Variants in TRIO observed in about 807,000 individuals in gnomAD.
TRIO encodes the protein trio Rho guanine nucleotide exchange factor, also known as triple functional domain protein.
TRIO carries 58 observed loss-of-function variants against 351.9 expected under a neutral mutation model. That is an observed-to-expected ratio of 0.16 (90% CI 0.13 to 0.21). TRIO has a LOEUF of 0.21. Among genes scored for constraint, TRIO ranks in the 10% least tolerant of loss-of-function variants. TRIO has a pLI of 1.00. For synonymous variants in TRIO, 1,758 were observed against 1,595.7 expected (o/e 1.10, Z -2.42); for missense variants, 3,201 against 4,027.8 (o/e 0.79, Z 5.56).
At chr5:14,393,168 CT>C (rs1747257170) in intron 27 of TRIO, among the ~76,000 whole-genome samples, 1 of 150,820 alleles carries the variant, frequency 6.6e-6, no homozygotes, top group African/African-American at 2.4e-5. Context: ...ACCACATGTT[CT>C]TACTCATAAG....
chr5:14,488,388 C>CTGGGG (rs751337338), intron 48 of TRIO, 128 bp downstream of exon 48: 26 of 1,391,968 alleles, frequency 1.9e-5, no homozygotes, highest in Non-Finnish European at 2.4e-5. Flanking sequence ...CGGCCTCTAC[C>CTGGGG]TGGGACCAGG....
At chr5:14,239,501 G>A (rs919195010) in intron 1 of TRIO, among the ~76,000 whole-genome samples, 2 of 152,140 alleles carry the variant, frequency 1.3e-5, no homozygotes, top group Admixed American at 6.5e-5. Context: ...TGTCGTGCAC[G>A]TAATGACTTG....
intron 7 of TRIO, among the ~76,000 whole-genome samples, chr5:14,300,801 C>CT (rs1737808908): frequency 6.6e-6 from 1 of 152,174 alleles, no homozygotes; most frequent in African/African-American, 2.4e-5. Flanking sequence ...GACATAATAA[C>CT]AAACTGTTTC....
chr5:14,269,781 A>C (rs1334956673), intron 1 of TRIO, among the ~76,000 whole-genome samples: 1 of 152,200 alleles, frequency 6.6e-6, no homozygotes, highest in Non-Finnish European at 1.5e-5. Context: ...TCTAATTCCA[A>C]GTCTACATCT....
intron 53 of TRIO, among the ~76,000 whole-genome samples, chr5:14,500,888 CAAAA>C (rs34729667): frequency 2.4e-4 from 15 of 63,548 alleles, no homozygotes; most frequent in South Asian, 6.8e-4. Flanking sequence ...GACTCTGCCT[CAAAA>C]AAAAAAAAAA....
At chr5:14,500,920 G>T (rs1476162287) in intron 53 of TRIO, among the ~76,000 whole-genome samples, 1 of 148,696 alleles carries the variant, frequency 6.7e-6, no homozygotes, top group Non-Finnish European at 1.5e-5. Flanking sequence ...AAAACACACA[G>T]GGAAAAAGAA....
chr5:14,202,182 T>A (rs569244960), intron 1 of TRIO, among the ~76,000 whole-genome samples: 1 of 151,340 alleles, frequency 6.6e-6, no homozygotes, highest in South Asian at 2.1e-4. Context: ...GCATATAGCA[T>A]ATAGATAACC....
At position 14,390,978 on chromosome 5, in the gene TRIO, G is replaced by C; in HGVS notation, c.4206G>C (p.Gly1402=). ...DSTQLILEHA[G]SYFDEIQQRH... is the part of the protein sequence containing the mutation. ...CTCAGCTGATATTGGAACATGCAGGGTCCTATTTTGACGTAAGTAATAGAT... is the reference window on the plus strand; with the variant it reads ...CTCAGCTGATATTGGAACATGCAGGCTCCTATTTTGACGTAAGTAATAGAT... The change falls in exon 27 of 57, where the codon GGG becomes GGC. Residue 1402 remains glycine (G), a synonymous_variant. Coordinates refer to ENST00000344204, the MANE Select transcript of TRIO (RefSeq NM_007118.4). 1 of 1,606,694 alleles carries C rather than the reference G, an allele frequency of 6.2e-7. No homozygotes were observed. The highest frequency in any genetic ancestry group is 8.5e-7 in the Non-Finnish European group (1 of 1,177,890).
chr5:14,291,452 T>C (rs1369793269), intron 5 of TRIO, among the ~76,000 whole-genome samples: 1 of 151,856 alleles, frequency 6.6e-6, no homozygotes, highest in Admixed American at 6.6e-5. Flanking sequence ...AAATTACTTA[T>C]TCTTTGGTCT....
rs184973987 is a variant in TRIO at position 14,276,119 on chromosome 5, T to C, written c.233-4203T>C. Among the ~76,000 whole-genome samples the C allele has an allele frequency of 4.2e-3, 632 of 152,084 alleles. 2 individuals carry two copies. The highest frequency in any genetic ancestry group is 0.014 in the African/African-American group (594 of 41,486). On this transcript the variant is annotated intron_variant, in intron 2 of 56. Coordinates refer to ENST00000344204, the MANE Select transcript of TRIO (RefSeq NM_007118.4). Reference sequence around the variant, plus strand: ...ATTCACTCTTATCAAGTTGGGGATATTGACAGGAATGTGGGATTTGATGCC... The same window carrying C: ...ATTCACTCTTATCAAGTTGGGGATACTGACAGGAATGTGGGATTTGATGCC...
chr5:14,308,856 C>T (rs938884740), intron 8 of TRIO, among the ~76,000 whole-genome samples: 2 of 151,526 alleles, frequency 1.3e-5, no homozygotes, highest in South Asian at 2.1e-4. Context: ...ATCCATCTGC[C>T]GTATCACTAA....
chr5:14,165,702 G>A (rs376851539), intron 1 of TRIO, among the ~76,000 whole-genome samples: 2 of 152,112 alleles, frequency 1.3e-5, no homozygotes, highest in South Asian at 4.2e-4. Flanking sequence ...CCTTGGGAAG[G>A]GATGTAGCCC....
In TRIO at chr5:14,359,357, G is replaced by C; in HGVS notation, c.2217G>C (p.Arg739Ser). 1 of 1,611,058 alleles carries C rather than the reference G, an allele frequency of 6.2e-7. No individual in the cohort carries two copies. Among genetic ancestry groups the C allele is most frequent in the Non-Finnish European group, 8.5e-7 (1 of 1,177,430 alleles). ...CCTGTTCCTCTGTGTGCTCTCGCAG[G>C]GACTCTGCCATCTCCAGTAACAAGA... Reference protein sequence around the residue: ...KEGEDLIQQLRDSAISSNKTP... With the variant: ...KEGEDLIQQLSDSAISSNKTP... Residue 739 changes from arginine to serine, a missense_variant and splice_region_variant, in exon 13 of 57, where the codon AGG becomes AGC. Arg to Ser is a moderately radical substitution (Grantham distance 110, BLOSUM62 -1). Transcript: ENST00000344204.
chr5:14,160,604 T>C (rs1788387104), intron 1 of TRIO, among the ~76,000 whole-genome samples: 1 of 152,220 alleles, frequency 6.6e-6, no homozygotes, highest in Non-Finnish European at 1.5e-5. Flanking sequence ...GGGAATAATG[T>C]AGAAATTAAA....
intron 7 of TRIO, among the ~76,000 whole-genome samples, chr5:14,302,405 CA>C (rs1481219173): frequency 2.0e-5 from 3 of 152,162 alleles, no homozygotes; most frequent in Admixed American, 2.0e-4. Context: ...TAACCTCAAT[CA>C]ATTTGTGTTT....
chr5:14,274,593 A>G (rs1735334981), intron 2 of TRIO, among the ~76,000 whole-genome samples: 1 of 152,098 alleles, frequency 6.6e-6, no homozygotes, highest in African/African-American at 2.4e-5. Context: ...GTAAAGAGAG[A>G]TGTCCCATCA....
At chr5:14,400,670 T>C (rs575937712) in intron 30 of TRIO, among the ~76,000 whole-genome samples, 4 of 152,288 alleles carry the variant, frequency 2.6e-5, no homozygotes, top group Admixed American at 1.3e-4. Flanking sequence ...GAATCTTGAT[T>C]GTCAGATAGT....
Position 14,368,898 on chromosome 5 carries a change from A to G in TRIO, c.3065A>G (p.Gln1022Arg). The change falls in exon 17 of 57, where the codon CAG (glutamine) becomes CGG (arginine). Residue 1022 changes from glutamine (Q) to arginine (R), a missense_variant and splice_region_variant. Around this residue, in one of 19 missense-constraint regions of TRIO, gnomAD observed 363 missense variants for 553.5 expected, o/e 0.66. Transcript: ENST00000344204. ...ASVAFYKTSE[Q>R]VCSVLESLEQ... is the part of the protein sequence containing the mutation. ...GTCGCTTTCTACAAAACCTCAGAGC[A>G]GGTCAGGGGAGAGGTTCCCTTCCTT... 1 of 1,611,588 alleles carries G rather than the reference A, an allele frequency of 6.2e-7. No individual in the cohort carries two copies. The highest frequency in any genetic ancestry group is 8.5e-7 in the Non-Finnish European group (1 of 1,177,988).
At chr5:14,385,396 C>T (rs1746453081) in intron 21 of TRIO, among the ~76,000 whole-genome samples, 1 of 152,206 alleles carries the variant, frequency 6.6e-6, no homozygotes, top group Non-Finnish European at 1.5e-5. Context: ...CAGTTCACAT[C>T]CATATAGTGA....
Sources: gnomAD v4.1 joint callset for allele counts (sites outside exome capture counted in the v4.1 genomes callset) on GRCh38, gnomAD v4.1.1 for gene constraint, gnomAD v4.1.1 regional missense constraint, MANE v1.5 for transcripts, NCBI Gene and HGNC (gene_info 2026-07-23, HGNC 2026-07-21) for gene names.